Variants in SENP6 observed in about 807,000 individuals in gnomAD.
The protein encoded by SENP6 is SUMO specific peptidase 6.
SENP6 carries 41 observed loss-of-function variants against 134.5 expected under a neutral mutation model. The ratio of observed to expected loss-of-function variants is 0.30; its 90% CI spans 0.24 to 0.40. The LOEUF (loss-of-function observed/expected upper bound fraction) is 0.40. Among genes scored for constraint, SENP6 ranks in the 10% least tolerant of loss-of-function variants. The pLI, the probability that SENP6 is intolerant of heterozygous loss-of-function variation, is 1.00. For synonymous variants in SENP6, 395 were observed against 429.8 expected, an observed-to-expected ratio of 0.92 and a Z score of 1.00; for missense variants, 1,248 against 1,312.5, an observed-to-expected ratio of 0.95 and a Z score of 0.76.
Position 75,715,417 on chromosome 6 carries a change from T to A in SENP6, c.3162T>A (p.Asn1054Lys). 1 of 1,613,092 alleles carries A rather than the reference T, an allele frequency of 6.2e-7. No individual in the cohort carries two copies. ...TTCTCAGTTTTGAACTACCTATGAA[T>A]TTGGCAAACTGGTTTCCTCCACCAA... ...NPILSFELPM[N>K]LANWFPPPRM... The change falls in exon 24 of 24, where the codon AAT becomes AAA. Residue 1054 changes from asparagine (N) to lysine (K), a missense_variant. By Grantham distance (94) the Asn-to-Lys change is moderately conservative. Transcript: ENST00000447266.
intron 1 of SENP6, among the ~76,000 whole-genome samples, chr6:75,604,849 G>A (rs1766911611): frequency 1.3e-5 from 2 of 151,868 alleles, no homozygotes; most frequent in South Asian, 2.1e-4. Context: ...GAGATGAACG[G>A]ATCACCTGAG....
chr6:75,660,967 C>G (rs1012301847), intron 8 of SENP6, among the ~76,000 whole-genome samples: 8 of 152,078 alleles, frequency 5.3e-5, no homozygotes, highest in Non-Finnish European at 1.0e-4. Context: ...TAGAGTCATT[C>G]ATTTCTCTGA....
intron 19 of SENP6, among the ~76,000 whole-genome samples, chr6:75,703,362 A>G (rs11759335): frequency 0.068 from 10,377 of 152,244 alleles, 446 homozygotes; most frequent in South Asian, 0.12. Flanking sequence ...CTTACTTTTA[A>G]TTTATACTGA....
At chr6:75,692,644 C>T (rs1004751650) in intron 16 of SENP6, among the ~76,000 whole-genome samples, 2 of 151,944 alleles carry the variant, frequency 1.3e-5, no homozygotes, top group Non-Finnish European at 2.9e-5. Context: ...AAATAAAGCA[C>T]AGGCTGGGTG....
intron 16 of SENP6, among the ~76,000 whole-genome samples, chr6:75,694,056 A>G (rs1443977808): frequency 6.6e-6 from 1 of 152,222 alleles, no homozygotes; most frequent in African/African-American, 2.4e-5. Flanking sequence ...CGAGAGTTCA[A>G]GACCAGCCTG....
chr6:75,676,313 C>T (rs1336142762), intron 13 of SENP6, among the ~76,000 whole-genome samples: 1 of 152,138 alleles, frequency 6.6e-6, no homozygotes, highest in East Asian at 1.9e-4. Context: ...CCCAAAAGAT[C>T]TGCACTCTTA....
chr6:75,639,627 T>C (rs1365405294), intron 5 of SENP6, among the ~76,000 whole-genome samples: 1 of 152,116 alleles, frequency 6.6e-6, no homozygotes, highest in South Asian at 2.1e-4. Context: ...TATTCTAAAT[T>C]GAGGGCTTAT....
At chr6:75,687,556 A>AT (rs1323609286) in intron 16 of SENP6, among the ~76,000 whole-genome samples, 1 of 152,074 alleles carries the variant, frequency 6.6e-6, no homozygotes, top group African/African-American at 2.4e-5. Flanking sequence ...TTGGTCTTTG[A>AT]TGTTGGTGAC....
At chr6:75,696,164 A>G (rs969994563) in intron 17 of SENP6, among the ~76,000 whole-genome samples, 3 of 152,212 alleles carry the variant, frequency 2.0e-5, no homozygotes, top group African/African-American at 7.2e-5. Flanking sequence ...CAACTTATTT[A>G]TATTGAGGCA....
Position 75,673,716 on chromosome 6 carries a change from T to G in SENP6, c.1393-1719T>G, listed in dbSNP as rs189905835. On this transcript the variant is annotated intron_variant, in intron 11 of 23. Coordinates refer to ENST00000447266, the MANE Select transcript of SENP6 (RefSeq NM_015571.4). ...CACTTCCTTCAATTCCTTTATCTTA[T>G]GCAACAATTTTATTTAAATGCTTTA... Among the ~76,000 whole-genome samples the G allele has an allele frequency of 3.3e-5, 5 of 152,134 alleles. No homozygotes were observed. The East Asian group carries it at 5.8e-4, about 18-fold the overall frequency.
intron 7 of SENP6, among the ~76,000 whole-genome samples, chr6:75,657,211 T>C (rs568140524): frequency 1.3e-5 from 2 of 152,358 alleles, no homozygotes; most frequent in African/African-American, 4.8e-5. Flanking sequence ...ACTGCTTTAC[T>C]GTAAATTAAG....
Position 75,716,712 on chromosome 6 carries a change from C to G in SENP6, c.*1118C>G, listed in dbSNP as rs1776036236. 6.6e-6 allele frequency: 1 copy of G among 151,834 alleles called. No homozygotes were observed. The highest frequency in any genetic ancestry group is 2.1e-4 in the South Asian group (1 of 4,820). The allele number at this position is 151,834 out of a possible 1,614,324, so 9.4% of individuals were successfully genotyped here. The stretch of plus-strand genomic sequence containing the variant: ...TATCTGCAGAAACTTCATTATTTTT[C>G]AAATGAAATGGTGTATACTTCTTTC... On this transcript the variant is annotated 3_prime_UTR_variant, in exon 24 of 24. Coordinates refer to ENST00000447266, the MANE Select transcript of SENP6 (RefSeq NM_015571.4).
rs746017388 is a variant in SENP6 at position 75,695,905 on chromosome 6, A to G, written c.2177A>G (p.His726Arg). Residue 726 changes from histidine to arginine, a missense_variant, in exon 17 of 24, where the codon CAT becomes CGT. Transcript: ENST00000447266. ...CTTAATCAGAGAGAGAGGAGAAATC[A>G]TGAAACAACTAATCTGTCGTAAGTC... is the stretch of plus-strand genomic sequence containing the variant. ...KRLNQRERRN[H>R]ETTNLSIQQK... 1 of 1,602,254 alleles carries G rather than the reference A, an allele frequency of 6.2e-7. No individual in the cohort carries two copies. The highest frequency in any genetic ancestry group is 8.5e-7 in the Non-Finnish European group (1 of 1,175,820).
intron 18 of SENP6, among the ~76,000 whole-genome samples, chr6:75,702,286 C>T (rs1394856773): frequency 5.4e-5 from 8 of 149,188 alleles, no homozygotes; most frequent in African/African-American, 2.0e-4. Flanking sequence ...GGCACAATCT[C>T]GGCTCACTGC....
intron 7 of SENP6, among the ~76,000 whole-genome samples, chr6:75,658,224 A>C (rs940942933): frequency 6.6e-6 from 1 of 152,162 alleles, no homozygotes; most frequent in Non-Finnish European, 1.5e-5. Context: ...ATAGACGTGC[A>C]AACAATGAGA....
intron 16 of SENP6, among the ~76,000 whole-genome samples, chr6:75,686,426 G>C (rs1185702754): frequency 2.6e-5 from 4 of 152,190 alleles, no homozygotes; most frequent in African/African-American, 4.8e-5. Context: ...GTGTGAATTT[G>C]ATCCTGTCAT....
chr6:75,604,160 G>T (rs1766846053), intron 1 of SENP6, among the ~76,000 whole-genome samples: 1 of 152,164 alleles, frequency 6.6e-6, no homozygotes, highest in South Asian at 2.1e-4. Flanking sequence ...ACATAGGGAG[G>T]ATTAAAACAA....
chr6:75,637,394 AG>A (rs1176996101), intron 5 of SENP6, among the ~76,000 whole-genome samples: 1 of 152,184 alleles, frequency 6.6e-6, no homozygotes, highest in African/African-American at 2.4e-5. Context: ...ACATTAGATT[AG>A]GTAGTCTTTG....
At chr6:75,634,067 A>G (rs12214738) in intron 4 of SENP6, among the ~76,000 whole-genome samples, 14,587 of 152,170 alleles carry the variant, frequency 0.096, 720 homozygotes, top group Non-Finnish European at 0.11. Flanking sequence ...ACTAATCAGG[A>G]TTGTCTCAAT....
Sources: allele counts gnomAD v4.1 joint callset (sites outside exome capture counted in the v4.1 genomes callset), GRCh38; gene constraint gnomAD v4.1.1; transcripts MANE v1.5; gene names NCBI Gene and HGNC (gene_info 2026-07-23, HGNC 2026-07-21).